CCNT2: variants seen among roughly 807,000 people sequenced by gnomAD.
CCNT2 encodes cyclin-T2.
Under a neutral mutation model 70.0 loss-of-function variants are expected in CCNT2, and 18 were observed. That is an observed-to-expected ratio of 0.26 (90% CI 0.18 to 0.38). The LOEUF is 0.38. Ranked by LOEUF, CCNT2 falls within the 10% of genes least tolerant of loss-of-function variation. The pLI is 1.00. For missense variants in CCNT2, 734 were observed against 890.2 expected (o/e 0.82, Z 2.23); for synonymous variants, 334 against 313.3 (o/e 1.07, Z -0.70).
intron 5 of CCNT2, chr2:134,945,364 A>G: frequency 2.0e-6 from 2 of 985,392 alleles, no homozygotes; most frequent in African/African-American, 3.5e-5. Flanking sequence ...CCCTGTTGGG[A>G]AGACTAAGAG....
intron 6 of CCNT2, 168 bp downstream of exon 6, chr2:134,946,314 G>T: frequency 2.6e-6 from 3 of 1,173,652 alleles, no homozygotes; most frequent in Non-Finnish European, 3.5e-6. Flanking sequence ...GGGACTTTGG[G>T]CACAGAGGGG....
At chr2:134,935,767 T>C (rs921049974) in intron 2 of CCNT2, among the ~76,000 whole-genome samples, 5 of 152,158 alleles carry the variant, frequency 3.3e-5, no homozygotes, top group South Asian at 2.1e-4. Context: ...GTAGTGCTTG[T>C]GTTCTTATAT....
chr2:134,936,981 C>T lies in CCNT2; in HGVS notation c.369+12C>T. ...ATACTAAATGTGATGTATGTAAATA[C>T]TGGGTTTTTTATTTTTCTTTGTAAA... On this transcript the variant is annotated intron_variant, in intron 3 of 8. Coordinates refer to ENST00000264157, the MANE Select transcript of CCNT2 (RefSeq NM_058241.3). 1 of 1,579,614 alleles carries T rather than the reference C, an allele frequency of 6.3e-7. No individual in the cohort carries two copies. The highest frequency in any genetic ancestry group is 1.2e-5 in the South Asian group (1 of 86,108).
intron 4 of CCNT2, among the ~76,000 whole-genome samples, chr2:134,941,250 GACC>G (rs1221017074): frequency 6.6e-6 from 1 of 152,150 alleles, no homozygotes; most frequent in Non-Finnish European, 1.5e-5. Flanking sequence ...GAGACAGTAA[GACC>G]AACCCCTCTT....
intron 2 of CCNT2, 51 bp from the exon 3 acceptor site, chr2:134,936,790 T>A: frequency 6.6e-7 from 1 of 1,521,322 alleles, no homozygotes; most frequent in Non-Finnish European, 8.9e-7. Flanking sequence ...AATAGAGGGT[T>A]TTTTGAAATG....
At chr2:134,943,869 GT>G (rs1681749968) in intron 5 of CCNT2, 1 of 981,808 alleles carries the variant, frequency 1.0e-6, no homozygotes, top group Non-Finnish European at 1.2e-6. Flanking sequence ...TTACTACCAA[GT>G]TTTTTTAGAT....
At chr2:134,934,735 A>G (rs1021846481) in intron 2 of CCNT2, among the ~76,000 whole-genome samples, 2 of 152,222 alleles carry the variant, frequency 1.3e-5, no homozygotes, top group African/African-American at 2.4e-5. Context: ...GTTTAGCTGG[A>G]AAGTATTTCT....
At chr2:134,938,206 G>C (rs528003516) in intron 3 of CCNT2, among the ~76,000 whole-genome samples, 16 of 152,058 alleles carry the variant, frequency 1.1e-4, no homozygotes, top group South Asian at 2.1e-4. Context: ...AATAGAAATT[G>C]ACTGTTTTAA....
rs899093305 is a variant in CCNT2 at position 134,956,288 on chromosome 2, A to C, written c.*1640A>C. ...TTTAGCAATTACCTAATTTGCCAGT[A>C]GCTTTATAATTTTTAAAGATAATTG... On this transcript the variant is annotated 3_prime_UTR_variant, in exon 9 of 9. Coordinates refer to ENST00000264157, the MANE Select transcript of CCNT2 (RefSeq NM_058241.3). 2.0e-5 allele frequency: 3 copies of C among 152,748 alleles called. No individual in the cohort carries two copies. In the Middle Eastern group the frequency reaches 0.01, roughly 520 times the overall value. The allele number at this position is 152,748 out of a possible 1,614,324, so 9.5% of individuals were successfully genotyped here.
intron 2 of CCNT2, among the ~76,000 whole-genome samples, chr2:134,927,305 A>T (rs45465798): frequency 2.0e-5 from 3 of 151,526 alleles, no homozygotes; most frequent in Non-Finnish European, 4.4e-5. Context: ...GCGGCTTAAA[A>T]TTTTTTTTTG....
chr2:134,927,184 A>G (rs1680357136), intron 2 of CCNT2, among the ~76,000 whole-genome samples: 1 of 152,242 alleles, frequency 6.6e-6, no homozygotes, highest in Non-Finnish European at 1.5e-5. Flanking sequence ...GAACTTCCCC[A>G]GAAAGCTTTA....
intron 5 of CCNT2, chr2:134,944,067 T>G (rs1681770518): frequency 1.0e-6 from 1 of 984,974 alleles, no homozygotes; most frequent in African/African-American, 1.7e-5. Flanking sequence ...GAAAATCTAA[T>G]TTGTATTTTT....
At chr2:134,942,784 A>G in intron 5 of CCNT2, 110 bp downstream of exon 5, 2 of 1,396,700 alleles carry the variant, frequency 1.4e-6, no homozygotes, top group South Asian at 3.0e-5. Flanking sequence ...CATTAAAATT[A>G]GGGAGAAATG....
Position 134,956,319 on chromosome 2 carries a change from T to C in CCNT2, c.*1671T>C, listed in dbSNP as rs1157794884. On this transcript the variant is annotated 3_prime_UTR_variant, in exon 9 of 9. Coordinates refer to ENST00000264157, the MANE Select transcript of CCNT2 (RefSeq NM_058241.3). ...ATAATTTTTAAAGATAATTGTTCAT[T>C]ATTTTGTCAATGTTATTTGAACTTG... The C allele has an allele frequency of 6.6e-6, 1 of 152,634 alleles. No individual in the cohort carries two copies. Among genetic ancestry groups the C allele is most frequent in the Non-Finnish European group, 1.5e-5 (1 of 68,024 alleles). 9.5% of individuals were successfully genotyped at this position (152,634 alleles called of 1,614,324 possible).
chr2:134,937,253 G>A (rs1433949091), intron 3 of CCNT2, among the ~76,000 whole-genome samples: 1 of 152,190 alleles, frequency 6.6e-6, no homozygotes, highest in African/African-American at 2.4e-5. Context: ...TATGATATAT[G>A]TAGAGGGTAA....
intron 6 of CCNT2, among the ~76,000 whole-genome samples, chr2:134,947,450 C>T (rs1185528604): frequency 6.6e-6 from 1 of 152,024 alleles, no homozygotes; most frequent in African/African-American, 2.4e-5. Context: ...ATACTATCCT[C>T]CTCTCCTTTT....
chr2:134,922,074 G>A (rs1413591113), intron 2 of CCNT2, among the ~76,000 whole-genome samples: 2 of 152,042 alleles, frequency 1.3e-5, no homozygotes, highest in Admixed American at 6.6e-5. Flanking sequence ...TGTTCTTTTA[G>A]GGCAAAGGGG....
intron 4 of CCNT2, among the ~76,000 whole-genome samples, chr2:134,940,708 C>T (rs1392569459): frequency 3.3e-5 from 5 of 152,002 alleles, no homozygotes; most frequent in Non-Finnish European, 7.4e-5. Context: ...TTACATATTG[C>T]GGTAAAAGAG....
chr2:134,936,787 G>A (rs1573816048), intron 2 of CCNT2, 54 bp from the exon 3 acceptor site: 1 of 1,500,538 alleles, frequency 6.7e-7, no homozygotes, highest in East Asian at 2.3e-5. Flanking sequence ...GAAAATAGAG[G>A]GTTTTTTGAA....
Sources: gnomAD v4.1 joint callset for allele counts (sites outside exome capture counted in the v4.1 genomes callset) on GRCh38, gnomAD v4.1.1 for gene constraint, MANE v1.5 for transcripts, NCBI Gene and HGNC (gene_info 2026-07-23, HGNC 2026-07-21) for gene names.